Variants in NAV3 observed in about 807,000 individuals in gnomAD.
NAV3 encodes the protein pore membrane and/or filament interacting like protein 1.
Under a neutral mutation model 244.7 loss-of-function variants are expected in NAV3, and 87 were observed. The ratio of observed to expected loss-of-function variants is 0.36; its 90% CI spans 0.30 to 0.42. NAV3 has a LOEUF of 0.42. NAV3 is among the 20% of genes least tolerant of loss of function. The pLI, the probability that NAV3 is intolerant of heterozygous loss-of-function variation, is 1.00. For synonymous variants in NAV3, 1,126 were observed against 1,042.2 expected (o/e 1.08, Z -1.55); for missense variants, 2,663 against 2,893.3 (o/e 0.92, Z 1.83).
intron 34 of NAV3, among the ~76,000 whole-genome samples, chr12:78,195,905 C>G (rs191480158): frequency 1.3e-5 from 2 of 151,982 alleles, no homozygotes; most frequent in Non-Finnish European, 2.9e-5. Context: ...CCTGATTACC[C>G]TTTTTAGTCC....
intron 1 of NAV3, among the ~76,000 whole-genome samples, chr12:77,922,955 T>A (rs919987595): frequency 1.3e-5 from 2 of 152,102 alleles, no homozygotes; most frequent in South Asian, 2.1e-4. Context: ...TTTTTATACG[T>A]ACATCTTAAG....
chr12:77,684,683 A>G (rs1238770002), intron 2 of NAV3, among the ~76,000 whole-genome samples: 1 of 152,050 alleles, frequency 6.6e-6, no homozygotes, highest in African/African-American at 2.4e-5. Flanking sequence ...TGAAGAAGTC[A>G]GATTTATTAT....
chr12:77,737,232 G>C (rs1196059403), intron 2 of NAV3, among the ~76,000 whole-genome samples: 5 of 148,836 alleles, frequency 3.4e-5, no homozygotes, highest in Non-Finnish European at 5.9e-5. Context: ...GAAGGATCTA[G>C]GATGCAGGTG....
At chr12:78,133,866 G>T (rs552532032) in intron 18 of NAV3, among the ~76,000 whole-genome samples, 3 of 151,998 alleles carry the variant, frequency 2.0e-5, no homozygotes, top group Non-Finnish European at 4.4e-5. Context: ...AAGAATAAAG[G>T]CCTCTAAGAT....
At chr12:77,598,054 G>A (rs561259851) in intron 2 of NAV3, among the ~76,000 whole-genome samples, 192 of 152,102 alleles carry the variant, frequency 1.3e-3, no homozygotes, top group African/African-American at 4.4e-3. Context: ...AACAATGTAT[G>A]CCACTATCCT....
intron 2 of NAV3, among the ~76,000 whole-genome samples, chr12:77,744,645 C>T (rs547593385): frequency 7.2e-5 from 11 of 151,790 alleles, no homozygotes; most frequent in East Asian, 3.9e-4. Context: ...AATCAGTGGA[C>T]GCATATATAG....
chr12:77,939,869 A>G (rs1447271051), intron 1 of NAV3, among the ~76,000 whole-genome samples: 1 of 152,202 alleles, frequency 6.6e-6, no homozygotes, highest in Non-Finnish European at 1.5e-5. Flanking sequence ...ATCTTGTCAC[A>G]TACAGTATCT....
At chr12:77,759,996 T>C (rs146232244) in intron 2 of NAV3, among the ~76,000 whole-genome samples, 1 of 152,348 alleles carries the variant, frequency 6.6e-6, no homozygotes, top group African/African-American at 2.4e-5. Flanking sequence ...GTTTTCTTTC[T>C]AGGATCAGTT....
intron 2 of NAV3, among the ~76,000 whole-genome samples, chr12:77,749,305 T>G (rs1352001644): frequency 6.6e-6 from 1 of 152,212 alleles, no homozygotes; most frequent in Non-Finnish European, 1.5e-5. Flanking sequence ...TCTGTTACGT[T>G]GAGATATTCA....
At chr12:77,622,534 A>ATTTT (rs529338324) in intron 2 of NAV3, among the ~76,000 whole-genome samples, 36 of 90,712 alleles carry the variant, frequency 4.0e-4, no homozygotes, top group African/African-American at 1.2e-3. Flanking sequence ...ATCCATATGG[A>ATTTT]TTTTTTTTTT....
intron 20 of NAV3, among the ~76,000 whole-genome samples, chr12:78,141,324 G>A (rs1428972113): frequency 6.6e-6 from 1 of 152,138 alleles, no homozygotes; most frequent in Non-Finnish European, 1.5e-5. Context: ...TAAAAAAGTA[G>A]CCTACAGGAA....
At chr12:77,841,621 G>A (rs903257572) in intron 1 of NAV3, among the ~76,000 whole-genome samples, 2 of 152,186 alleles carry the variant, frequency 1.3e-5, no homozygotes, top group African/African-American at 4.8e-5. Context: ...TTGGAACACA[G>A]CCCTGATGCT....
At chr12:78,069,479 C>T (rs1344738115) in intron 12 of NAV3, among the ~76,000 whole-genome samples, 2 of 151,818 alleles carry the variant, frequency 1.3e-5, no homozygotes, top group East Asian at 3.9e-4. Flanking sequence ...AGTTTGGTTA[C>T]ATCATATATA....
intron 2 of NAV3, among the ~76,000 whole-genome samples, chr12:77,611,812 A>G (rs1194236203): frequency 6.6e-6 from 1 of 152,056 alleles, no homozygotes; most frequent in African/African-American, 2.4e-5. Flanking sequence ...TACTTGAACA[A>G]ATTAACAGTG....
chr12:77,777,693 A>G (rs528451819), intron 2 of NAV3, among the ~76,000 whole-genome samples: 3 of 152,372 alleles, frequency 2.0e-5, no homozygotes, highest in Non-Finnish European at 4.4e-5. Context: ...AAAGTAGACT[A>G]CAAAATAGTT....
intron 1 of NAV3, among the ~76,000 whole-genome samples, chr12:77,899,108 A>T (rs781185213): frequency 1.3e-4 from 20 of 152,192 alleles, no homozygotes; most frequent in Admixed American, 1.2e-3. Context: ...GTTGCTTCTT[A>T]TGGAGGAACA....
chr12:77,981,004 T>C (rs1441471497), intron 5 of NAV3, among the ~76,000 whole-genome samples: 2 of 152,152 alleles, frequency 1.3e-5, no homozygotes, highest in Non-Finnish European at 2.9e-5. Flanking sequence ...GGTTATAACA[T>C]ATTTTCATAC....
At chr12:77,635,026 C>G (rs567891086) in intron 2 of NAV3, among the ~76,000 whole-genome samples, 4 of 151,952 alleles carry the variant, frequency 2.6e-5, no homozygotes, top group African/African-American at 9.7e-5. Flanking sequence ...GTCAGGAGTT[C>G]GAGACCAGCC....
chr12:78,046,876 G>A (rs1881884942), intron 9 of NAV3, among the ~76,000 whole-genome samples: 1 of 152,114 alleles, frequency 6.6e-6, no homozygotes, highest in Admixed American at 6.5e-5. Context: ...AAGTCTCTTT[G>A]TAGGTCTCTA....
Sources: gnomAD v4.1 joint callset for allele counts (sites outside exome capture counted in the v4.1 genomes callset) on GRCh38, gnomAD v4.1.1 for gene constraint, MANE v1.5 for transcripts, NCBI Gene and HGNC (gene_info 2026-07-23, HGNC 2026-07-21) for gene names.